ASIC2: variants seen among roughly 807,000 people sequenced by gnomAD.
The protein encoded by ASIC2 is acid sensing ion channel subunit 2.
A neutral mutation model predicts 57.3 loss-of-function variants in ASIC2; 25 were observed. That is an observed-to-expected ratio of 0.44 (90% CI 0.32 to 0.61). The LOEUF (loss-of-function observed/expected upper bound fraction) is 0.61, where lower values mean the gene tolerates loss of function less well. ASIC2 is among the 20% of genes least tolerant of loss of function. The probability of loss-of-function intolerance (pLI) is 0.06; values close to 1 mark genes in which losing one functional copy is unlikely to be tolerated. For synonymous variants in ASIC2, 319 were observed against 307.5 expected (o/e 1.04, Z -0.39); for missense variants, 641 against 738.1 (o/e 0.87, Z 1.52).
At chr17:33,207,187 A>G (rs60214938) in intron 1 of ASIC2, among the ~76,000 whole-genome samples, 4,073 of 152,320 alleles carry the variant, frequency 0.027, 178 homozygotes, top group African/African-American at 0.089. Context: ...TAAGCGATTC[A>G]TTTAGTGCGA....
intron 1 of ASIC2, among the ~76,000 whole-genome samples, chr17:33,500,659 G>A (rs1422419045): frequency 1.3e-5 from 2 of 152,186 alleles, no homozygotes; most frequent in Non-Finnish European, 1.5e-5. Context: ...GTATGTTGAG[G>A]ATTTCCAGGG....
intron 1 of ASIC2, among the ~76,000 whole-genome samples, chr17:33,671,230 G>A (rs180908731): frequency 8.7e-4 from 133 of 152,292 alleles, no homozygotes; most frequent in African/African-American, 3.1e-3. Flanking sequence ...GGCATTCTGT[G>A]CTAATTGCTC....
chr17:33,424,043 C>G (rs1378365778), intron 1 of ASIC2, among the ~76,000 whole-genome samples: 1 of 152,212 alleles, frequency 6.6e-6, no homozygotes, highest in African/African-American at 2.4e-5. Context: ...CTGCCACTCC[C>G]CTTCTACCCC....
chr17:33,175,343 T>C (rs1014497750), intron 1 of ASIC2, among the ~76,000 whole-genome samples: 3 of 152,334 alleles, frequency 2.0e-5, no homozygotes, highest in African/African-American at 7.2e-5. Context: ...TTCTTCCAAG[T>C]AGCTGTTTCC....
chr17:33,978,191 T>TGTCTTCCCTATTATCACACTCAGG (rs1905465634), intron 1 of ASIC2, among the ~76,000 whole-genome samples: 1 of 152,188 alleles, frequency 6.6e-6, no homozygotes, highest in Non-Finnish European at 1.5e-5. Context: ...CCCCACTCAG[T>TGTCTTCCCTATTATCACACTCAGG]GTCTTCCCTA....
At chr17:33,769,076 G>A (rs892587797) in intron 1 of ASIC2, among the ~76,000 whole-genome samples, 14 of 152,134 alleles carry the variant, frequency 9.2e-5, no homozygotes, top group Non-Finnish European at 2.1e-4. Flanking sequence ...ACAAAAGCTC[G>A]GGACTCACTG....
At chr17:33,802,738 T>C (rs957048503) in intron 1 of ASIC2, among the ~76,000 whole-genome samples, 4 of 152,262 alleles carry the variant, frequency 2.6e-5, no homozygotes, top group Admixed American at 1.3e-4. Context: ...ATGAAAACTT[T>C]GTTTTTGTCT....
At chr17:33,125,668 G>C (rs995312050) in intron 1 of ASIC2, among the ~76,000 whole-genome samples, 4 of 152,326 alleles carry the variant, frequency 2.6e-5, no homozygotes, top group East Asian at 1.9e-4. Flanking sequence ...GGGAGATAAA[G>C]CAGCTGTAAT....
chr17:33,567,212 C>A (rs372228144), intron 1 of ASIC2, among the ~76,000 whole-genome samples: 1 of 151,950 alleles, frequency 6.6e-6, no homozygotes, highest in Non-Finnish European at 1.5e-5. Flanking sequence ...GATCTGAAAG[C>A]GGTGAGAGAG....
intron 1 of ASIC2, among the ~76,000 whole-genome samples, chr17:33,560,845 A>C (rs1916050679): frequency 6.6e-6 from 1 of 152,218 alleles, no homozygotes; most frequent in African/African-American, 2.4e-5. Flanking sequence ...ACTGAAGCTT[A>C]GATAAGTTAC....
At chr17:33,335,569 GA>G (rs200449727) in intron 1 of ASIC2, among the ~76,000 whole-genome samples, 1 of 78,424 alleles carries the variant, frequency 1.3e-5, no homozygotes, top group Admixed American at 1.6e-4. Context: ...TTAGGAGGTA[GA>G]AGGGTGAGTC....
intron 1 of ASIC2, among the ~76,000 whole-genome samples, chr17:33,624,292 C>T (rs1352356270): frequency 6.6e-6 from 1 of 152,100 alleles, no homozygotes; most frequent in African/African-American, 2.4e-5. Flanking sequence ...CAGACACACC[C>T]AGAAGTAGCA....
At chr17:33,178,854 CG>C (rs1265750695) in intron 1 of ASIC2, among the ~76,000 whole-genome samples, 1 of 152,182 alleles carries the variant, frequency 6.6e-6, no homozygotes, top group Non-Finnish European at 1.5e-5. Context: ...CCTGCATCCC[CG>C]ACAGCCTCCC....
intron 1 of ASIC2, among the ~76,000 whole-genome samples, chr17:33,259,818 G>C (rs1007196175): frequency 6.6e-6 from 1 of 152,202 alleles, no homozygotes; most frequent in Non-Finnish European, 1.5e-5. Context: ...TTGGCTCACA[G>C]ATGCTGGGCT....
intron 1 of ASIC2, among the ~76,000 whole-genome samples, chr17:33,988,572 C>A (rs182883886): frequency 4.7e-4 from 72 of 152,138 alleles, no homozygotes; most frequent in African/African-American, 1.7e-3. Flanking sequence ...ACTAATACAT[C>A]GACCCTTAGC....
chr17:33,553,494 CTAT>C (rs3032154), intron 1 of ASIC2, among the ~76,000 whole-genome samples: 26,404 of 150,320 alleles, frequency 0.18, 3,704 homozygotes, highest in African/African-American at 0.38. Context: ...TTTATTATTA[CTAT>C]TATTATTATT....
chr17:33,694,044 C>G (rs1054177065), intron 1 of ASIC2, among the ~76,000 whole-genome samples: 13 of 152,134 alleles, frequency 8.5e-5, no homozygotes, highest in Non-Finnish European at 4.4e-5. Flanking sequence ...CTTGCTTGCT[C>G]ATCTATAAAA....
chr17:33,091,097 A>G (rs1324426495), intron 2 of ASIC2, among the ~76,000 whole-genome samples: 1 of 152,164 alleles, frequency 6.6e-6, no homozygotes, highest in Non-Finnish European at 1.5e-5. Flanking sequence ...GAGAGACCAT[A>G]TTTTATTCAG....
chr17:33,868,709 T>C (rs189087146), intron 1 of ASIC2, among the ~76,000 whole-genome samples: 96 of 152,230 alleles, frequency 6.3e-4, no homozygotes, highest in African/African-American at 2.2e-3. Context: ...CCTAATCAAG[T>C]ACTTGTATCC....
Sources: gnomAD v4.1 joint callset for allele counts (sites outside exome capture counted in the v4.1 genomes callset) on GRCh38, gnomAD v4.1.1 for gene constraint, MANE v1.5 for transcripts, NCBI Gene and HGNC (gene_info 2026-07-23, HGNC 2026-07-21) for gene names.